The following DENND1A variants were observed in gnomAD, a reference collection of about 807,000 sequenced individuals.
DENND1A encodes the protein DENN domain-containing protein 1A.
Under a neutral mutation model 113.7 loss-of-function variants are expected in DENND1A, and 51 were observed. The ratio of observed to expected loss-of-function variants is 0.45; its 90% CI spans 0.36 to 0.57. DENND1A has a LOEUF of 0.57. Among genes scored for constraint, DENND1A ranks in the 20% least tolerant of loss-of-function variants. The pLI is 0.00. For missense variants in DENND1A, 1,258 were observed against 1,395.9 expected, an observed-to-expected ratio of 0.90 and a Z score of 1.57; for synonymous variants, 565 against 570.8, an observed-to-expected ratio of 0.99 and a Z score of 0.14.
At chr9:123,627,762 A>T (rs1294995726) in intron 10 of DENND1A, among the ~76,000 whole-genome samples, 2 of 146,316 alleles carry the variant, frequency 1.4e-5, no homozygotes, top group African/African-American at 2.5e-5. Context: ...AAAAAAAGAG[A>T]GAGAGAGCGA....
At chr9:123,817,781 C>A (rs1348261436) in intron 2 of DENND1A, among the ~76,000 whole-genome samples, 2 of 152,050 alleles carry the variant, frequency 1.3e-5, no homozygotes, top group Non-Finnish European at 2.9e-5. Context: ...AATCCCAGTA[C>A]TTTGGGAGGC....
chr9:123,739,638 T>C (rs1168726664), intron 5 of DENND1A, among the ~76,000 whole-genome samples: 1 of 152,168 alleles, frequency 6.6e-6, no homozygotes, highest in Non-Finnish European at 1.5e-5. Context: ...GAGAGGCTCA[T>C]ATCTGCCTTT....
At chr9:123,670,664 T>C (rs2063721062) in intron 7 of DENND1A, among the ~76,000 whole-genome samples, 1 of 152,170 alleles carries the variant, frequency 6.6e-6, no homozygotes, top group African/African-American at 2.4e-5. Context: ...TTAAGCACTC[T>C]CCTGCTCTGT....
chr9:123,774,706 CT>C (rs1830219996), intron 3 of DENND1A, among the ~76,000 whole-genome samples: 1 of 152,050 alleles, frequency 6.6e-6, no homozygotes, highest in Non-Finnish European at 1.5e-5. Flanking sequence ...ATATTTACCC[CT>C]AGTTTACTTT....
intron 13 of DENND1A, among the ~76,000 whole-genome samples, chr9:123,521,323 C>T (rs2054376979): frequency 6.6e-6 from 1 of 152,110 alleles, no homozygotes. Flanking sequence ...CTCAAATAAG[C>T]CCGTGGGAGG....
At chr9:123,662,651 G>A (rs543171787) in intron 8 of DENND1A, among the ~76,000 whole-genome samples, 1 of 152,312 alleles carries the variant, frequency 6.6e-6, no homozygotes, top group Non-Finnish European at 1.5e-5. Flanking sequence ...ACTGGCGCAT[G>A]TCTCACCAAA....
chr9:123,885,713 T>G (rs961360994), intron 1 of DENND1A, among the ~76,000 whole-genome samples: 5 of 152,232 alleles, frequency 3.3e-5, no homozygotes, highest in African/African-American at 1.2e-4. Context: ...AGCATTTCTA[T>G]TCAAGATCTC....
At chr9:123,655,976 G>C (rs1311065536) in intron 8 of DENND1A, among the ~76,000 whole-genome samples, 1 of 152,202 alleles carries the variant, frequency 6.6e-6, no homozygotes, top group Non-Finnish European at 1.5e-5. Context: ...CCATCTTCCT[G>C]CTTACTCTGG....
intron 5 of DENND1A, among the ~76,000 whole-genome samples, chr9:123,684,524 C>T (rs2064683242): frequency 6.6e-6 from 1 of 152,174 alleles, no homozygotes; most frequent in Non-Finnish European, 1.5e-5. Flanking sequence ...CACCTTTAAG[C>T]ACAACAGAAA....
intron 5 of DENND1A, among the ~76,000 whole-genome samples, chr9:123,731,642 C>T (rs1421185372): frequency 3.9e-5 from 6 of 152,132 alleles, no homozygotes. Flanking sequence ...AGGAGAAAAT[C>T]TTTGTGACCT....
At position 123,649,696 on chromosome 9, in the gene DENND1A, T is replaced by A. The variant is rs114519880; in HGVS notation, c.618+2317A>T. ...CTATTTTGCCTTAGTTTTCAAATGC[T>A]GGCATAAAGTTGCTAACAGTATTTT... On this transcript the variant is annotated intron_variant, in intron 9 of 23. Coordinates refer to ENST00000394215, the MANE Select transcript of DENND1A (RefSeq NM_001352964.2). Among the ~76,000 whole-genome samples the A allele has an allele frequency of 5.5e-3, 835 of 152,344 alleles. 10 individuals are homozygous for A. Among genetic ancestry groups the A allele is most frequent in the African/African-American group, 0.019 (802 of 41,576 alleles).
At chr9:123,542,854 C>T (rs183195998) in intron 13 of DENND1A, among the ~76,000 whole-genome samples, 8 of 152,304 alleles carry the variant, frequency 5.3e-5, no homozygotes, top group Admixed American at 1.3e-4. Context: ...TCCCTGTCTT[C>T]TTTTGAATTT....
chr9:123,452,795 C>A (rs1404247262), intron 16 of DENND1A, among the ~76,000 whole-genome samples: 2 of 152,122 alleles, frequency 1.3e-5, no homozygotes, highest in Non-Finnish European at 2.9e-5. Context: ...CCCTGATCAG[C>A]CAGGATCGTT....
chr9:123,711,485 A>AT (rs2066585083), intron 5 of DENND1A, among the ~76,000 whole-genome samples: 5 of 83,230 alleles, frequency 6.0e-5, no homozygotes, highest in African/African-American at 4.2e-4. Context: ...ATAAATTAAA[A>AT]AATATATATA....
At chr9:123,677,882 T>G (rs1325952306) in intron 5 of DENND1A, among the ~76,000 whole-genome samples, 1 of 152,202 alleles carries the variant, frequency 6.6e-6, no homozygotes, top group Admixed American at 6.5e-5. Flanking sequence ...ACTTTTCTGG[T>G]TGTCCTCTGT....
chr9:123,402,652 G>A (rs770359856), intron 21 of DENND1A: 2 of 533,524 alleles, frequency 3.7e-6, no homozygotes, highest in Non-Finnish European at 3.9e-6. Flanking sequence ...TGAGTTGTCT[G>A]GATAGAGACT....
chr9:123,595,079 T>C (rs2059624384), intron 11 of DENND1A, among the ~76,000 whole-genome samples: 1 of 152,214 alleles, frequency 6.6e-6, no homozygotes, highest in Non-Finnish European at 1.5e-5. Context: ...GTCGCTGATT[T>C]GCTCCTTCCT....
At chr9:123,427,227 T>C (rs971931182) in intron 19 of DENND1A, among the ~76,000 whole-genome samples, 1 of 152,234 alleles carries the variant, frequency 6.6e-6, no homozygotes, top group Non-Finnish European at 1.5e-5. Context: ...CAGGATTACG[T>C]TGAACCACTC....
At chr9:123,913,113 TAAAAAAAA>T (rs915063969) in intron 1 of DENND1A, among the ~76,000 whole-genome samples, 6 of 86,712 alleles carry the variant, frequency 6.9e-5, no homozygotes, top group African/African-American at 1.7e-4. Flanking sequence ...AAAGACAGTT[TAAAAAAAA>T]AAAAAAAAAA....
Sources: gnomAD v4.1 joint callset for allele counts (sites outside exome capture counted in the v4.1 genomes callset) on GRCh38, gnomAD v4.1.1 for gene constraint, MANE v1.5 for transcripts, NCBI Gene and HGNC (gene_info 2026-07-23, HGNC 2026-07-21) for gene names.